NFIA: variants seen among roughly 807,000 people sequenced by gnomAD.
The protein encoded by NFIA is nuclear factor I A.
A neutral mutation model predicts 62.8 loss-of-function variants in NFIA; 8 were observed. The observed-to-expected ratio is 0.13, with a 90% confidence interval of 0.07 to 0.23. The LOEUF is 0.23. Among genes scored for constraint, NFIA ranks in the 10% least tolerant of loss-of-function variants. The probability of loss-of-function intolerance (pLI) is 1.00; values close to 1 mark genes in which losing one functional copy is unlikely to be tolerated. For missense variants in NFIA, 410 were observed against 642.1 expected (o/e 0.64, Z 3.91); for synonymous variants, 235 against 238.1 (o/e 0.99, Z 0.12).
chr1:61,376,929 A>G (rs574260595), intron 6 of NFIA, among the ~76,000 whole-genome samples: 21 of 152,204 alleles, frequency 1.4e-4, no homozygotes, highest in African/African-American at 4.3e-4. Context: ...AAATGTAAGG[A>G]TTTGGGGATG....
chr1:61,159,337 T>C (rs1649019901), intron 2 of NFIA, among the ~76,000 whole-genome samples: 1 of 152,172 alleles, frequency 6.6e-6, no homozygotes, highest in African/African-American at 2.4e-5. Flanking sequence ...TGGAATTAGA[T>C]GACCTGGTTT....
intron 2 of NFIA, among the ~76,000 whole-genome samples, chr1:61,276,566 G>T (rs867098937): frequency 6.6e-6 from 1 of 152,104 alleles, no homozygotes; most frequent in Non-Finnish European, 1.5e-5. Flanking sequence ...TGTTGTAAAC[G>T]ACTTCAAGTC....
At chr1:61,352,650 G>A in intron 5 of NFIA, 83 bp downstream of exon 5, 1 of 1,052,344 alleles carries the variant, frequency 9.5e-7, no homozygotes, top group Non-Finnish European at 1.5e-6. Context: ...TATGGATTTA[G>A]CAATGCGCCT....
At chr1:61,368,704 T>C (rs1663729038) in intron 6 of NFIA, among the ~76,000 whole-genome samples, 1 of 152,222 alleles carries the variant, frequency 6.6e-6, no homozygotes, top group Non-Finnish European at 1.5e-5. Flanking sequence ...GCAAAGTATA[T>C]TTAATAAATC....
chr1:61,432,699 G>A (rs1667159659), intron 10 of NFIA, among the ~76,000 whole-genome samples: 1 of 150,376 alleles, frequency 6.6e-6, no homozygotes, highest in Non-Finnish European at 1.5e-5. Flanking sequence ...ATCCCACCCT[G>A]CAACCCTACC....
At chr1:61,181,316 C>T (rs188808615) in intron 2 of NFIA, among the ~76,000 whole-genome samples, 9 of 152,146 alleles carry the variant, frequency 5.9e-5, no homozygotes, top group South Asian at 4.1e-4. Context: ...ATTAATGATG[C>T]GCCATGCCAA....
chr1:61,081,750 A>ACCC, upstream of NFIA: 1 of 912,986 alleles, frequency 1.1e-6, no homozygotes, highest in South Asian at 1.8e-5. Context: ...ATTCCTCACC[A>ACCC]CCCCCGCTTC....
chr1:61,344,029 A>C (rs1431769168), intron 4 of NFIA, among the ~76,000 whole-genome samples: 2 of 152,242 alleles, frequency 1.3e-5, no homozygotes, highest in Non-Finnish European at 2.9e-5. Context: ...ACAAATTGAT[A>C]AAATGAGTTA....
At chr1:61,362,408 G>A (rs147899052) in intron 6 of NFIA, among the ~76,000 whole-genome samples, 1 of 152,278 alleles carries the variant, frequency 6.6e-6, no homozygotes, top group Non-Finnish European at 1.5e-5. Flanking sequence ...TGTGACACAG[G>A]AAGCAAGGCC....
At chr1:61,260,866 C>A (rs1432992613) in intron 2 of NFIA, among the ~76,000 whole-genome samples, 1 of 152,210 alleles carries the variant, frequency 6.6e-6, no homozygotes, top group East Asian at 1.9e-4. Context: ...AGGCGTGAGC[C>A]CCTGCGCCCG....
intron 2 of NFIA, among the ~76,000 whole-genome samples, chr1:61,116,517 T>A (rs1646796102): frequency 6.6e-6 from 1 of 152,180 alleles, no homozygotes; most frequent in Non-Finnish European, 1.5e-5. Flanking sequence ...GATGCAGTAC[T>A]GCCTGGCATG....
At chr1:61,403,006 G>A (rs1040991191) in intron 7 of NFIA, among the ~76,000 whole-genome samples, 1 of 152,186 alleles carries the variant, frequency 6.6e-6, no homozygotes, top group African/African-American at 2.4e-5. Flanking sequence ...GTGATGGCCT[G>A]TCTTACTGAG....
intron 3 of NFIA, among the ~76,000 whole-genome samples, chr1:61,311,143 A>G (rs1344917869): frequency 6.6e-6 from 1 of 152,144 alleles, no homozygotes; most frequent in Non-Finnish European, 1.5e-5. Context: ...TATAATCCCA[A>G]CACTTTGGGA....
intron 2 of NFIA, among the ~76,000 whole-genome samples, chr1:61,146,859 G>A (rs532479552): frequency 2.0e-5 from 3 of 152,080 alleles, no homozygotes; most frequent in African/African-American, 7.2e-5. Context: ...TTTTATGTGT[G>A]TTTAACTTAA....
At chr1:61,136,743 G>C (rs1047565853) in intron 2 of NFIA, among the ~76,000 whole-genome samples, 1 of 150,822 alleles carries the variant, frequency 6.6e-6, no homozygotes, top group African/African-American at 2.4e-5. Context: ...GGCTGACTTG[G>C]AAGTTTTGGC....
At chr1:61,191,125 C>T (rs1651586748) in intron 2 of NFIA, among the ~76,000 whole-genome samples, 1 of 151,178 alleles carries the variant, frequency 6.6e-6, no homozygotes, top group Admixed American at 6.6e-5. Flanking sequence ...TGTTACAATG[C>T]TTAGCTACAT....
intron 10 of NFIA, among the ~76,000 whole-genome samples, chr1:61,427,900 T>C (rs2100556019): frequency 6.6e-6 from 1 of 152,332 alleles, no homozygotes; most frequent in African/African-American, 2.4e-5. Flanking sequence ...CCTTCAAATA[T>C]TCAAACACTT....
At chr1:61,396,774 T>C (rs1569755961) in intron 7 of NFIA, among the ~76,000 whole-genome samples, 1 of 151,530 alleles carries the variant, frequency 6.6e-6, no homozygotes. Flanking sequence ...CCGAGGCAGG[T>C]AGATTGCCTG....
intron 5 of NFIA, 62 bp downstream of exon 5, chr1:61,352,629 T>C: frequency 1.6e-6 from 2 of 1,279,222 alleles, no homozygotes; most frequent in East Asian, 2.3e-5. Context: ...TGATTTTAAC[T>C]CTGGGCCCAC....
Sources: allele counts gnomAD v4.1 joint callset (sites outside exome capture counted in the v4.1 genomes callset), GRCh38; gene constraint gnomAD v4.1.1; transcripts MANE v1.5; gene names NCBI Gene and HGNC (gene_info 2026-07-23, HGNC 2026-07-21).